The following QTMAN variants were observed in gnomAD, a reference collection of about 807,000 sequenced individuals.
QTMAN encodes the protein tRNA-queuosine alpha-mannosyltransferase.
the QTMAN span, chr2:143,946,918 C>T: frequency 1.6e-6 from 1 of 637,810 alleles, no homozygotes; most frequent in East Asian, 2.7e-5. Flanking sequence ...GGCTCTGTGT[C>T]AGCTATGACA....
chr2:144,241,685 C>T, the QTMAN span, among the ~76,000 whole-genome samples: 2 of 151,818 alleles, frequency 1.3e-5, no homozygotes, highest in Non-Finnish European at 2.9e-5. Context: ...GTCTTCCTTT[C>T]TTTCTGTCCA....
the QTMAN span, among the ~76,000 whole-genome samples, chr2:144,326,444 G>A: frequency 5.3e-5 from 8 of 151,890 alleles, no homozygotes; most frequent in Admixed American, 3.3e-4. Flanking sequence ...AAAATAAGCC[G>A]GGCATGGTGG....
chr2:144,076,133 G>C, the QTMAN span, among the ~76,000 whole-genome samples: 3 of 152,202 alleles, frequency 2.0e-5, no homozygotes, highest in Admixed American at 6.5e-5. Context: ...TGTAGTCCCA[G>C]CTACTTGGGA....
the QTMAN span, among the ~76,000 whole-genome samples, chr2:143,973,607 G>A: frequency 4.5e-4 from 68 of 151,930 alleles, 1 homozygote; most frequent in South Asian, 9.6e-3. Context: ...TGGCTAACAC[G>A]GTGAAACCCC....
the QTMAN span, among the ~76,000 whole-genome samples, chr2:144,077,799 T>C: frequency 1.4e-4 from 22 of 152,352 alleles, no homozygotes; most frequent in East Asian, 4.2e-3. Context: ...AACATTATTT[T>C]AATTTTTACA....
At chr2:144,298,615 G>A in the QTMAN span, among the ~76,000 whole-genome samples, 6 of 152,200 alleles carry the variant, frequency 3.9e-5, no homozygotes, top group Non-Finnish European at 8.8e-5. Flanking sequence ...ACCAGCCACT[G>A]TCAGTGAAGG....
chr2:143,993,124 TA>T, the QTMAN span, among the ~76,000 whole-genome samples: 4 of 152,218 alleles, frequency 2.6e-5, no homozygotes, highest in Non-Finnish European at 4.4e-5. Flanking sequence ...TTCTCCTTCA[TA>T]ACATTTATCA....
At chr2:144,171,948 A>G in the QTMAN span, among the ~76,000 whole-genome samples, 1 of 152,144 alleles carries the variant, frequency 6.6e-6, no homozygotes, top group Non-Finnish European at 1.5e-5. Context: ...TTGACACAAA[A>G]TGAAAATTAT....
At chr2:144,269,572 A>T in the QTMAN span, among the ~76,000 whole-genome samples, 1 of 152,194 alleles carries the variant, frequency 6.6e-6, no homozygotes, top group Non-Finnish European at 1.5e-5. Flanking sequence ...ATGGTCAAAG[A>T]TACCAATTAT....
the QTMAN span, among the ~76,000 whole-genome samples, chr2:144,220,760 G>A: frequency 6.6e-6 from 1 of 152,132 alleles, no homozygotes; most frequent in Non-Finnish European, 1.5e-5. Flanking sequence ...TTAACAAACA[G>A]CCTGAATTAT....
At chr2:144,145,704 T>G in the QTMAN span, 2 of 1,611,576 alleles carry the variant, frequency 1.2e-6, no homozygotes, top group Non-Finnish European at 1.7e-6. Flanking sequence ...GGCAGCCAGT[T>G]CGGTCAGGTT....
At chr2:143,991,749 C>A in the QTMAN span, among the ~76,000 whole-genome samples, 9 of 145,958 alleles carry the variant, frequency 6.2e-5, no homozygotes, top group South Asian at 2.0e-3. Context: ...GGGTCAGCCC[C>A]CCGCCCCGCC....
the QTMAN span, among the ~76,000 whole-genome samples, chr2:143,962,423 G>A: frequency 2.0e-5 from 3 of 152,182 alleles, no homozygotes; most frequent in African/African-American, 7.2e-5. Context: ...CTAGCCTAGG[G>A]TGAGATTTTG....
At chr2:144,128,215 C>G in the QTMAN span, 3 of 151,934 alleles carry the variant, frequency 2.0e-5, no homozygotes, top group Non-Finnish European at 4.4e-5. Flanking sequence ...GGTATCAAAT[C>G]TCAGAAAAGA....
At chr2:144,036,303 A>G in the QTMAN span, among the ~76,000 whole-genome samples, 1 of 152,208 alleles carries the variant, frequency 6.6e-6, no homozygotes, top group African/African-American at 2.4e-5. Flanking sequence ...TCCAAAGGAA[A>G]AGCCTTGGCT....
the QTMAN span, among the ~76,000 whole-genome samples, chr2:144,139,834 T>A: frequency 3.3e-5 from 5 of 152,076 alleles, no homozygotes; most frequent in Admixed American, 3.3e-4. Flanking sequence ...CTAATTAATA[T>A]CCATTATATT....
At chr2:143,960,139 A>G in the QTMAN span, among the ~76,000 whole-genome samples, 1 of 152,130 alleles carries the variant, frequency 6.6e-6, no homozygotes, top group Admixed American at 6.6e-5. Context: ...ACACAGCTGT[A>G]CTAGGATCTT....
the QTMAN span, among the ~76,000 whole-genome samples, chr2:144,182,861 AAT>A: frequency 0.015 from 980 of 66,726 alleles, 17 homozygotes; most frequent in South Asian, 0.017. Flanking sequence ...TTTTATATAT[AAT>A]ATATATATAT....
At chr2:144,129,917 T>G in the QTMAN span, among the ~76,000 whole-genome samples, 1 of 151,864 alleles carries the variant, frequency 6.6e-6, no homozygotes, top group African/African-American at 2.4e-5. Flanking sequence ...TAGACAACAT[T>G]GAGTCAAATA....
Sources: gnomAD v4.1 joint callset for allele counts (sites outside exome capture counted in the v4.1 genomes callset) on GRCh38, gnomAD v4.1.1 for gene constraint, MANE v1.5 for transcripts, NCBI Gene and HGNC (gene_info 2026-07-23, HGNC 2026-07-21) for gene names.